Variants in RPS6KC1 observed in about 807,000 individuals in gnomAD.
RPS6KC1 encodes the protein ribosomal protein S6 kinase C1, also known as inactive ribosomal protein S6 kinase delta-1.
In RPS6KC1, 54 loss-of-function variants were observed where a neutral mutation model predicts 103.8. The ratio of observed to expected loss-of-function variants is 0.52; its 90% CI spans 0.42 to 0.65. The LOEUF is 0.65. Ranked by LOEUF, RPS6KC1 falls within the 30% of genes least tolerant of loss-of-function variation. The probability of loss-of-function intolerance (pLI) is 0.00; values close to 1 mark genes in which losing one functional copy is unlikely to be tolerated. For synonymous variants in RPS6KC1, 439 were observed against 438.7 expected, an observed-to-expected ratio of 1.00 and a Z score of -0.01; for missense variants, 1,151 against 1,253.8, an observed-to-expected ratio of 0.92 and a Z score of 1.24.
chr1:213,314,343 T>C, the RPS6KC1 span, among the ~76,000 whole-genome samples: 1 of 152,224 alleles, frequency 6.6e-6, no homozygotes, highest in Admixed American at 6.5e-5. Context: ...AACATAGCTT[T>C]CTGGGGGACC....
chr1:213,060,179 A>G (rs1324704069), intron 1 of RPS6KC1, among the ~76,000 whole-genome samples: 2 of 152,230 alleles, frequency 1.3e-5, no homozygotes, highest in Non-Finnish European at 2.9e-5. Flanking sequence ...AGTCATACAC[A>G]TTTCAAGCAA....
At chr1:213,053,949 TCTCAGCCA>T (rs2077141115) in intron 1 of RPS6KC1, among the ~76,000 whole-genome samples, 1 of 151,960 alleles carries the variant, frequency 6.6e-6, no homozygotes, top group South Asian at 2.1e-4. Flanking sequence ...GATTCTCCTG[TCTCAGCCA>T]CTCAAGTAGC....
At chr1:213,840,394 C>T in the RPS6KC1 span, 1 of 152,122 alleles carries the variant, frequency 6.6e-6, no homozygotes, top group African/African-American at 2.4e-5. Flanking sequence ...ATTGATTGCC[C>T]TACTCATCTT....
At chr1:213,529,456 AACCTGGC>A in the RPS6KC1 span, among the ~76,000 whole-genome samples, 1 of 152,208 alleles carries the variant, frequency 6.6e-6, no homozygotes, top group African/African-American at 2.4e-5. Context: ...ACATTTTTTT[AACCTGGC>A]AATTTCAACT....
At chr1:213,113,779 G>T (rs1488977318) in intron 4 of RPS6KC1, among the ~76,000 whole-genome samples, 1 of 151,950 alleles carries the variant, frequency 6.6e-6, no homozygotes, top group Non-Finnish European at 1.5e-5. Flanking sequence ...TCTACATATG[G>T]CTAGCCAGTT....
the RPS6KC1 span, among the ~76,000 whole-genome samples, chr1:213,754,915 A>G: frequency 6.6e-6 from 1 of 152,232 alleles, no homozygotes; most frequent in Non-Finnish European, 1.5e-5. Flanking sequence ...GATTTGACAC[A>G]ATTGTAGATG....
the RPS6KC1 span, among the ~76,000 whole-genome samples, chr1:213,413,055 G>A: frequency 6.6e-6 from 1 of 152,112 alleles, no homozygotes; most frequent in South Asian, 2.1e-4. Flanking sequence ...GTCTCATTTT[G>A]TTTGCTCTGT....
At chr1:213,633,635 C>T in the RPS6KC1 span, among the ~76,000 whole-genome samples, 2 of 151,686 alleles carry the variant, frequency 1.3e-5, no homozygotes, top group Non-Finnish European at 2.9e-5. Context: ...AGAAACCACA[C>T]CAACTAATGG....
chr1:213,264,306 T>A (rs2149123959), intron 14 of RPS6KC1, among the ~76,000 whole-genome samples: 1 of 152,184 alleles, frequency 6.6e-6, no homozygotes, highest in Middle Eastern at 3.4e-3. Flanking sequence ...TAAGAGGTAA[T>A]GAAGAGATAC....
chr1:213,157,497 A>G (rs1302457323), intron 6 of RPS6KC1, among the ~76,000 whole-genome samples: 1 of 152,114 alleles, frequency 6.6e-6, no homozygotes, highest in African/African-American at 2.4e-5. Context: ...GTGAGCCACC[A>G]TGCCCGGCCT....
At chr1:213,791,371 CGTT>C in the RPS6KC1 span, among the ~76,000 whole-genome samples, 1 of 152,072 alleles carries the variant, frequency 6.6e-6, no homozygotes, top group African/African-American at 2.4e-5. Context: ...CTAACAAACT[CGTT>C]GTATTCCAGA....
chr1:213,547,556 T>C, the RPS6KC1 span, among the ~76,000 whole-genome samples: 1 of 152,216 alleles, frequency 6.6e-6, no homozygotes, highest in African/African-American at 2.4e-5. Context: ...CCCTTCCAAA[T>C]CTCACACTGA....
Position 213,097,013 on chromosome 1 carries a change from A to G in RPS6KC1, c.263-7441A>G, listed in dbSNP as rs117048266. Among the ~76,000 whole-genome samples the G allele has an allele frequency of 6.7e-4, 102 of 152,300 alleles. 2 individuals carry two copies. The East Asian group carries it at 0.019, about 29-fold the overall frequency. ...GAAAACATAATTAATCTCCTTGTAC[A>G]TCTCCACCAGAGCTTCGAGTGAACC... On this transcript the variant is annotated intron_variant, in intron 3 of 14. Coordinates refer to ENST00000366960, the MANE Select transcript of RPS6KC1 (RefSeq NM_012424.6).
the RPS6KC1 span, among the ~76,000 whole-genome samples, chr1:213,348,849 T>C: frequency 6.6e-6 from 1 of 152,142 alleles, no homozygotes; most frequent in African/African-American, 2.4e-5. Context: ...ATGGTTTCAA[T>C]GAAATAATCT....
intron 6 of RPS6KC1, among the ~76,000 whole-genome samples, chr1:213,140,505 T>C (rs2086886668): frequency 1.3e-5 from 2 of 152,208 alleles, no homozygotes; most frequent in East Asian, 3.9e-4. Context: ...TTTTGAGGTA[T>C]GCACCTTCGA....
At chr1:213,635,275 C>T in the RPS6KC1 span, among the ~76,000 whole-genome samples, 21,379 of 152,038 alleles carry the variant, frequency 0.14, 2,369 homozygotes, top group African/African-American at 0.31. Context: ...CATTTTACGA[C>T]GCCAGCATTA....
the RPS6KC1 span, among the ~76,000 whole-genome samples, chr1:213,515,429 G>A: frequency 6.6e-6 from 1 of 152,152 alleles, no homozygotes; most frequent in Non-Finnish European, 1.5e-5. Context: ...AAGGGATCCA[G>A]TTTCAGCTTT....
At chr1:213,859,553 GA>G in the RPS6KC1 span, among the ~76,000 whole-genome samples, 2 of 152,202 alleles carry the variant, frequency 1.3e-5, no homozygotes, top group African/African-American at 4.8e-5. Flanking sequence ...GACAATATGA[GA>G]ACAAGAGGGT....
the RPS6KC1 span, among the ~76,000 whole-genome samples, chr1:213,517,968 C>G: frequency 1.3e-5 from 2 of 152,104 alleles, no homozygotes; most frequent in African/African-American, 4.8e-5. Context: ...GAATTGATCC[C>G]TTTACCATTA....
Sources: allele counts gnomAD v4.1 joint callset (sites outside exome capture counted in the v4.1 genomes callset), GRCh38; gene constraint gnomAD v4.1.1; transcripts MANE v1.5; gene names NCBI Gene and HGNC (gene_info 2026-07-23, HGNC 2026-07-21).